DSG1: variants seen among roughly 807,000 people sequenced by gnomAD.
DSG1 encodes desmoglein 1.
Under a neutral mutation model 97.5 loss-of-function variants are expected in DSG1, and 39 were observed. The observed-to-expected ratio is 0.40, with a 90% CI of 0.31 to 0.52. The LOEUF is 0.52. Ranked by LOEUF, DSG1 falls within the 20% of genes least tolerant of loss-of-function variation. The pLI is 0.53. For missense variants in DSG1, 1,311 were observed against 1,295.4 expected (o/e 1.01, Z -0.18); for synonymous variants, 475 against 443.4 (o/e 1.07, Z -0.90).
chr18:31,355,446 C>T lies in DSG1; in HGVS notation c.*100C>T. ...GATTTATAACGCACAACTTCGTGCT[C>T]AGGTCATCTAGGAGCAAGGTGAGAA... is the stretch of plus-strand genomic sequence containing the variant. On this transcript the variant is annotated 3_prime_UTR_variant, in exon 15 of 15. Transcript: ENST00000257192. 1 of 1,214,382 alleles carries T rather than the reference C, an allele frequency of 8.2e-7. No homozygotes were observed. The allele number at this position is 1,214,382 out of a possible 1,614,324, so 75.2% of individuals were successfully genotyped here.
At chr18:31,322,137 C>A (rs756247274) in intron 1 of DSG1, among the ~76,000 whole-genome samples, 1 of 152,222 alleles carries the variant, frequency 6.6e-6, no homozygotes, top group African/African-American at 2.4e-5. Flanking sequence ...GAAATCATAT[C>A]TCTACAAATT....
chr18:31,355,868 A>G lies in DSG1; in HGVS notation c.*522A>G, dbSNP rs2071953378. On this transcript the variant is annotated 3_prime_UTR_variant, in exon 15 of 15. Transcript: ENST00000257192. ...GACTACATAGTCAAGTCCACAAGCCATCAAGCACTCCTACCTTAATTATTG... is the reference window on the plus strand; with the variant it reads ...GACTACATAGTCAAGTCCACAAGCCGTCAAGCACTCCTACCTTAATTATTG... 1.3e-5 allele frequency: 2 copies of G among 157,398 alleles called. No homozygotes were observed. Among genetic ancestry groups the G allele is most frequent in the Admixed American group, 6.1e-5 (1 of 16,322 alleles). 9.8% of individuals were successfully genotyped at this position (157,398 alleles called of 1,614,324 possible).
intron 14 of DSG1, chr18:31,347,647 G>GA (rs2071851756): frequency 6.6e-6 from 1 of 152,180 alleles, no homozygotes; most frequent in Non-Finnish European, 1.5e-5. Context: ...AAGATGAAAC[G>GA]AAAGTGTATA....
At chr18:31,335,217 GATA>G (rs1211605312) in intron 8 of DSG1, among the ~76,000 whole-genome samples, 4 of 152,076 alleles carry the variant, frequency 2.6e-5, no homozygotes, top group Non-Finnish European at 5.9e-5. Flanking sequence ...CCATATTGCA[GATA>G]AAGACATTGA....
At chr18:31,344,246 A>G (rs1442828188) in intron 13 of DSG1, among the ~76,000 whole-genome samples, 1 of 152,184 alleles carries the variant, frequency 6.6e-6, no homozygotes, top group Admixed American at 6.5e-5. Flanking sequence ...GGATCTCTAT[A>G]TATGCAGAAG....
chr18:31,353,061 T>G (rs2071914119), intron 14 of DSG1, among the ~76,000 whole-genome samples: 1 of 147,798 alleles, frequency 6.8e-6, no homozygotes, highest in Non-Finnish European at 1.5e-5. Context: ...TTTTAGAGTT[T>G]CCAGTTTTTC....
chr18:31,328,120 A>G, intron 3 of DSG1, 69 bp from the exon 4 acceptor site: 9 of 1,544,044 alleles, frequency 5.8e-6, no homozygotes, highest in African/African-American at 2.7e-5. Context: ...CTCTCAAGAA[A>G]GCTGTCGTAT....
intron 2 of DSG1, 31 bp from the exon 3 acceptor site, chr18:31,326,843 A>G (rs754562857): frequency 6.2e-7 from 1 of 1,607,042 alleles, no homozygotes; most frequent in South Asian, 1.1e-5. Flanking sequence ...TCAAATTAAT[A>G]TATACCATTT....
intron 1 of DSG1, 105 bp from the exon 2 acceptor site, chr18:31,326,476 A>G (rs1034363661): frequency 2.3e-6 from 2 of 872,860 alleles, no homozygotes; most frequent in Non-Finnish European, 3.6e-6. Flanking sequence ...AATTTTAATG[A>G]CTCACAAGCC....
chr18:31,325,753 A>G (rs2071681708), intron 1 of DSG1, among the ~76,000 whole-genome samples: 5 of 152,162 alleles, frequency 3.3e-5, no homozygotes. Context: ...GTAGTAATTT[A>G]CTTGAGGGAA....
At chr18:31,326,182 T>C (rs1012098878) in intron 1 of DSG1, among the ~76,000 whole-genome samples, 2 of 152,040 alleles carry the variant, frequency 1.3e-5, no homozygotes, top group African/African-American at 4.8e-5. Context: ...ACAATTAAAA[T>C]TAACTATAAA....
At chr18:31,345,891 C>A (rs2071829185) in intron 13 of DSG1, 99 bp from the exon 14 acceptor site, 1 of 859,300 alleles carries the variant, frequency 1.2e-6, no homozygotes, top group Non-Finnish European at 1.9e-6. Context: ...TTCACAAATG[C>A]ATACCTAAAT....
At chr18:31,346,299 A>G (rs1450270689) in intron 14 of DSG1, 101 bp downstream of exon 14, 4 of 969,560 alleles carry the variant, frequency 4.1e-6, no homozygotes, top group Non-Finnish European at 6.6e-6. Context: ...GAGTCTCCTA[A>G]CTAGATTCTC....
intron 11 of DSG1, among the ~76,000 whole-genome samples, chr18:31,340,570 A>G (rs2071782942): frequency 6.6e-6 from 1 of 151,920 alleles, no homozygotes; most frequent in South Asian, 2.1e-4. Flanking sequence ...AAAAAAAAGA[A>G]AAGAAAAGGC....
At chr18:31,348,566 C>G (rs572118812) in intron 14 of DSG1, among the ~76,000 whole-genome samples, 1,637 of 150,686 alleles carry the variant, frequency 0.011, 41 homozygotes, top group African/African-American at 0.039. Context: ...CATGGTTGAA[C>G]TAGTTTACAG....
At chr18:31,321,165 C>T (rs1484324499) in intron 1 of DSG1, among the ~76,000 whole-genome samples, 1 of 151,940 alleles carries the variant, frequency 6.6e-6, no homozygotes, top group African/African-American at 2.4e-5. Flanking sequence ...TTGAACCGAA[C>T]TGAAATTCTG....
intron 1 of DSG1, among the ~76,000 whole-genome samples, chr18:31,321,513 C>G (rs6506915): frequency 0.4 from 60,742 of 152,048 alleles, 13,342 homozygotes; most frequent in Non-Finnish European, 0.49. Context: ...ATTCAAGTGT[C>G]ATCATTAACA....
Position 31,330,034 on chromosome 18 carries a change from C to G in DSG1, c.515C>G (p.Ala172Gly). 1 of 1,612,848 alleles carries G rather than the reference C, an allele frequency of 6.2e-7. No individual in the cohort carries two copies. The change falls in exon 5 of 15, where the codon GCA (alanine) becomes GGA (glycine). Residue 172 changes from alanine to glycine, a missense_variant and splice_region_variant. Physicochemically the swap from Ala to Gly is moderately conservative, Grantham distance 60. Coordinates refer to ENST00000257192, the MANE Select transcript of DSG1 (RefSeq NM_001942.4). ...GGACAAATAGAAGAAAATTCTAATGCAAGTAAGTAATGTAGTGGCTTCCAA... is the reference window on the plus strand; with the variant it reads ...GGACAAATAGAAGAAAATTCTAATGGAAGTAAGTAATGTAGTGGCTTCCAA... ...FAGQIEENSN[A>G]NTLVMILNAT...
chr18:31,334,713 G>T (rs2071741332), intron 8 of DSG1, among the ~76,000 whole-genome samples: 2 of 152,116 alleles, frequency 1.3e-5, no homozygotes. Flanking sequence ...CACTGTGGCT[G>T]CTGATCAAGG....
Sources: gnomAD v4.1 joint callset for allele counts (sites outside exome capture counted in the v4.1 genomes callset) on GRCh38, gnomAD v4.1.1 for gene constraint, MANE v1.5 for transcripts, NCBI Gene and HGNC (gene_info 2026-07-23, HGNC 2026-07-21) for gene names.